OPCML: variants seen among roughly 807,000 people sequenced by gnomAD.
OPCML encodes opioid-binding protein/cell adhesion molecule.
In OPCML, 13 loss-of-function variants were observed where a neutral mutation model predicts 37.8. The observed-to-expected ratio is 0.34, with a 90% CI of 0.22 to 0.55. The LOEUF (loss-of-function observed/expected upper bound fraction) is 0.55, where lower values mean the gene tolerates loss of function less well. Among genes scored for constraint, OPCML ranks in the 20% least tolerant of loss-of-function variants. The pLI, the probability that OPCML is intolerant of heterozygous loss-of-function variation, is 0.91. For synonymous variants in OPCML, 176 were observed against 168.8 expected (o/e 1.04, Z -0.33); for missense variants, 341 against 435.6 (o/e 0.78, Z 1.93).
chr11:133,265,286 A>T (rs1941623162), intron 1 of OPCML, among the ~76,000 whole-genome samples: 1 of 152,208 alleles, frequency 6.6e-6, no homozygotes, highest in African/African-American at 2.4e-5. Flanking sequence ...TGTCTGACTC[A>T]GGGTAACGGG....
rs539567896 is a variant in OPCML, at chr11:133,505,270, G to A, written c.61+26994C>T. Among the ~76,000 whole-genome samples the A allele has an allele frequency of 5.3e-5, 8 of 152,370 alleles. No homozygotes were observed. The South Asian group carries it at 1.2e-3, about 24-fold the overall frequency. On this transcript the variant is annotated intron_variant, in intron 1 of 7. Coordinates refer to ENST00000524381, the MANE Select transcript of OPCML (RefSeq NM_001012393.5). ...ACTGTCTTGGAGCTGGCACTGGAGA[G>A]AAGGGGGCCGGAGGCCTCCTGGGCA...
intron 1 of OPCML, among the ~76,000 whole-genome samples, chr11:132,997,208 T>C (rs1052549831): frequency 1.3e-5 from 2 of 152,198 alleles, no homozygotes; most frequent in Non-Finnish European, 2.9e-5. Flanking sequence ...CACACGTATC[T>C]GCACATGAGT....
intron 1 of OPCML, among the ~76,000 whole-genome samples, chr11:133,078,035 C>T (rs933404275): frequency 1.3e-5 from 2 of 152,158 alleles, no homozygotes; most frequent in Admixed American, 1.3e-4. Flanking sequence ...AATTACATTG[C>T]TATGACCTAG....
At chr11:132,828,222 G>A (rs890299837) in intron 2 of OPCML, among the ~76,000 whole-genome samples, 6 of 152,198 alleles carry the variant, frequency 3.9e-5, no homozygotes, top group Non-Finnish European at 7.3e-5. Flanking sequence ...AGATAGATCT[G>A]TGGAGTTGGG....
chr11:132,516,588 G>A (rs2096280297), intron 4 of OPCML, among the ~76,000 whole-genome samples: 1 of 152,146 alleles, frequency 6.6e-6, no homozygotes, highest in African/African-American at 2.4e-5. Flanking sequence ...AGAGATGCAA[G>A]GGATACTTTC....
intron 1 of OPCML, among the ~76,000 whole-genome samples, chr11:133,353,547 T>C (rs1156984566): frequency 6.6e-6 from 1 of 152,202 alleles, no homozygotes; most frequent in East Asian, 1.9e-4. Flanking sequence ...GTCTCCATGT[T>C]GATGGGGGCC....
chr11:133,102,754 A>C (rs1949103605), intron 1 of OPCML, among the ~76,000 whole-genome samples: 2 of 152,152 alleles, frequency 1.3e-5, no homozygotes, highest in Non-Finnish European at 2.9e-5. Flanking sequence ...CATCTCAAAA[A>C]CACAAAAACA....
chr11:133,491,591 A>G (rs1215256305), intron 1 of OPCML, among the ~76,000 whole-genome samples: 4 of 152,186 alleles, frequency 2.6e-5, no homozygotes, highest in African/African-American at 9.6e-5. Flanking sequence ...AAACATGGGT[A>G]AAAAGTACCC....
At chr11:132,665,771 T>C (rs754926709) in intron 2 of OPCML, among the ~76,000 whole-genome samples, 3 of 152,106 alleles carry the variant, frequency 2.0e-5, no homozygotes, top group Non-Finnish European at 2.9e-5. Context: ...ACATTACTAG[T>C]TTCCCAAGAA....
intron 4 of OPCML, among the ~76,000 whole-genome samples, chr11:132,515,241 G>A (rs1460959718): frequency 6.6e-6 from 1 of 152,128 alleles, no homozygotes; most frequent in Non-Finnish European, 1.5e-5. Context: ...TCACCATTAA[G>A]GGATTCTGGA....
chr11:132,586,673 A>G (rs1231973596), intron 3 of OPCML, among the ~76,000 whole-genome samples: 1 of 152,210 alleles, frequency 6.6e-6, no homozygotes, highest in Non-Finnish European at 1.5e-5. Flanking sequence ...AGAATATCAC[A>G]TTAATCTACT....
chr11:132,432,665 T>A (rs1259603439), intron 7 of OPCML, among the ~76,000 whole-genome samples: 4 of 152,186 alleles, frequency 2.6e-5, no homozygotes, highest in Non-Finnish European at 4.4e-5. Context: ...TTCCACAAAG[T>A]TTTCCTGTGA....
rs535751607 is a variant in OPCML at position 133,177,119 on chromosome 11, G to A, written c.62-234109C>T. Among the ~76,000 whole-genome samples the A allele has an allele frequency of 7.9e-5, 12 of 152,312 alleles. No individual in the cohort carries two copies. Among genetic ancestry groups the A allele is most frequent in the African/African-American group, 2.2e-4 (9 of 41,554 alleles). On this transcript the variant is annotated intron_variant, in intron 1 of 7. Coordinates refer to ENST00000524381, the MANE Select transcript of OPCML (RefSeq NM_001012393.5). This position sits in a 1 kb window ranked among gnomAD's most constrained non-coding sequence, Gnocchi z 5.0. ...GTCACCACAACCATGTATGTGTGAT[G>A]GTTCTGTAAAAATGAAGTGTATTCA...
intron 2 of OPCML, among the ~76,000 whole-genome samples, chr11:132,731,005 G>C (rs1465322843): frequency 6.6e-6 from 1 of 152,178 alleles, no homozygotes; most frequent in Non-Finnish European, 1.5e-5. Flanking sequence ...TGTTCTGTCT[G>C]CTTCGTTATT....
chr11:132,581,845 AT>A (rs1378291789), intron 3 of OPCML, among the ~76,000 whole-genome samples: 1 of 151,948 alleles, frequency 6.6e-6, no homozygotes. Flanking sequence ...GCCCCAGTGT[AT>A]TATCTCAAGG....
intron 1 of OPCML, among the ~76,000 whole-genome samples, chr11:133,247,540 T>TTTTCTTCCTTTCTTTCTTTCTTTC (rs1940972294): frequency 8.2e-6 from 1 of 122,408 alleles, no homozygotes; most frequent in Non-Finnish European, 1.6e-5. Context: ...CTTTCCTTCT[T>TTTTCTTCCTTTCTTTCTTTCTTTC]TTTCTTTCTT....
At chr11:132,551,971 G>A (rs1399067060) in intron 3 of OPCML, among the ~76,000 whole-genome samples, 1 of 152,166 alleles carries the variant, frequency 6.6e-6, no homozygotes, top group Non-Finnish European at 1.5e-5. Flanking sequence ...CTTTGTCTGT[G>A]CTCCCCTCAA....
rs1306107377 is a variant in OPCML at position 132,955,832 on chromosome 11, G to A, written c.62-12822C>T. ...GGGGAGGCAGAGGTTGCAGTGAGCC[G>A]AGATCGCACCATTGCACTCCAGCCT... On this transcript the variant is annotated intron_variant, in intron 1 of 7. Transcript: ENST00000524381. Among the ~76,000 whole-genome samples, 5 of 152,044 alleles carry A rather than the reference G, an allele frequency of 3.3e-5. No homozygotes were observed. The East Asian group carries it at 5.8e-4, about 18-fold the overall frequency.
intron 1 of OPCML, among the ~76,000 whole-genome samples, chr11:133,233,386 G>A (rs923642721): frequency 6.6e-6 from 1 of 152,172 alleles, no homozygotes; most frequent in Non-Finnish European, 1.5e-5. Context: ...TACGAGCAGG[G>A]CATAAGAGAA....
Sources: allele counts gnomAD v4.1 joint callset (sites outside exome capture counted in the v4.1 genomes callset), GRCh38; gene constraint gnomAD v4.1.1; non-coding constraint Gnocchi (gnomAD v3.1); transcripts MANE v1.5; gene names NCBI Gene and HGNC (gene_info 2026-07-23, HGNC 2026-07-21).